Variants in DPP10 observed in about 807,000 individuals in gnomAD.
DPP10 encodes the protein inactive dipeptidyl peptidase 10.
A neutral mutation model predicts 120.9 loss-of-function variants in DPP10; 33 were observed. The observed-to-expected ratio is 0.27, with a 90% CI of 0.21 to 0.37. The LOEUF is 0.37. DPP10 is among the 10% of genes least tolerant of loss of function. The probability of loss-of-function intolerance (pLI) is 1.00; values close to 1 mark genes in which losing one functional copy is unlikely to be tolerated. For missense variants in DPP10, 816 were observed against 942.8 expected (o/e 0.87, Z 1.76); for synonymous variants, 337 against 326.1 (o/e 1.03, Z -0.36).
chr2:115,835,212 G>A (rs910176601), intron 21 of DPP10, among the ~76,000 whole-genome samples: 1 of 151,554 alleles, frequency 6.6e-6, no homozygotes, highest in African/African-American at 2.4e-5. Flanking sequence ...ATAGAAACAA[G>A]AAAAATGGGC....
At chr2:114,778,514 G>T (rs1035659648) in intron 1 of DPP10, among the ~76,000 whole-genome samples, 2 of 151,998 alleles carry the variant, frequency 1.3e-5, no homozygotes, top group Non-Finnish European at 2.9e-5. Context: ...TGGGTGGAAG[G>T]TTGTCTCTTT....
intron 17 of DPP10, among the ~76,000 whole-genome samples, chr2:115,788,882 C>T (rs760445699): frequency 5.3e-5 from 8 of 152,058 alleles, no homozygotes; most frequent in South Asian, 2.1e-4. Flanking sequence ...TTTGGGAGGC[C>T]GAGGCGGGTG....
intron 1 of DPP10, among the ~76,000 whole-genome samples, chr2:114,979,026 A>G (rs568809409): frequency 1.3e-5 from 2 of 152,206 alleles, no homozygotes; most frequent in South Asian, 4.1e-4. Context: ...TTTCCTAGAG[A>G]AGAAAAATTG....
At chr2:115,275,730 C>T (rs1441500612) in intron 1 of DPP10, among the ~76,000 whole-genome samples, 2 of 134,854 alleles carry the variant, frequency 1.5e-5, no homozygotes, top group Admixed American at 8.4e-5. Flanking sequence ...GACGGAGTCT[C>T]GCTCTGTCGC....
rs1701889243 is a variant in DPP10 at position 115,006,896 on chromosome 2, C to G, written c.61-302343C>G. On this transcript the variant is annotated intron_variant, in intron 1 of 25. Transcript: ENST00000410059. ...ATAGACATCTACAGAACTCTCCACC[C>G]CAAATCAACAGAATATACATTTTTT... is the stretch of plus-strand genomic sequence containing the variant. 2.0e-5 allele frequency among the ~76,000 whole-genome samples: 3 copies of G among 151,964 alleles called. No individual in the cohort carries two copies. The South Asian group carries it at 6.2e-4, about 32-fold the overall frequency.
chr2:115,209,402 TCA>T (rs1412539189), intron 1 of DPP10, among the ~76,000 whole-genome samples: 1 of 152,138 alleles, frequency 6.6e-6, no homozygotes, highest in East Asian at 1.9e-4. Context: ...ATATGTACAC[TCA>T]CAAACATATA....
At chr2:114,953,757 A>G (rs558803363) in intron 1 of DPP10, among the ~76,000 whole-genome samples, 23 of 152,272 alleles carry the variant, frequency 1.5e-4, no homozygotes, top group Admixed American at 3.9e-4. Flanking sequence ...TATTTTCTTA[A>G]TGGTACCGTA....
intron 7 of DPP10, among the ~76,000 whole-genome samples, chr2:115,698,161 C>T (rs1026041278): frequency 1.3e-5 from 2 of 152,082 alleles, no homozygotes; most frequent in Non-Finnish European, 2.9e-5. Context: ...AATTATCACA[C>T]AAAAGATCTT....
chr2:115,791,989 T>C (rs2149916892), intron 19 of DPP10, among the ~76,000 whole-genome samples: 1 of 152,302 alleles, frequency 6.6e-6, no homozygotes, highest in Non-Finnish European at 1.5e-5. Context: ...AGCATATTGA[T>C]ATAATAGTGC....
At chr2:114,662,476 CGG>C (rs1353407322) in intron 1 of DPP10, among the ~76,000 whole-genome samples, 1 of 152,082 alleles carries the variant, frequency 6.6e-6, no homozygotes, top group Non-Finnish European at 1.5e-5. Context: ...TGAGACTTCG[CGG>C]GACGCAGACA....
chr2:114,881,144 T>C (rs1691569235), intron 1 of DPP10, among the ~76,000 whole-genome samples: 1 of 152,146 alleles, frequency 6.6e-6, no homozygotes, highest in African/African-American at 2.4e-5. Context: ...ATGATTTATT[T>C]TGGCTTCCAA....
intron 2 of DPP10, among the ~76,000 whole-genome samples, chr2:115,315,870 T>C (rs889111031): frequency 8.5e-5 from 13 of 152,164 alleles, no homozygotes; most frequent in African/African-American, 3.1e-4. Context: ...CTTTTTTAAA[T>C]AGATTTATCT....
In DPP10 at chr2:115,093,846, T is replaced by C. The variant is rs567760437; in HGVS notation, c.61-215393T>C. Among the ~76,000 whole-genome samples the C allele has an allele frequency of 1.4e-4, 21 of 152,264 alleles. 1 individual carries two copies. In the South Asian group the frequency reaches 4.3e-3, roughly 31 times the overall value. On this transcript the variant is annotated intron_variant, in intron 1 of 25. Coordinates refer to ENST00000410059, the MANE Select transcript of DPP10 (RefSeq NM_020868.6). ...CATTCATGACAGTGTAATGATTCCA[T>C]CTTGTGTCTTTGTGTAGGCACATGT...
At chr2:115,349,019 A>T (rs905926934) in intron 3 of DPP10, among the ~76,000 whole-genome samples, 1 of 152,154 alleles carries the variant, frequency 6.6e-6, no homozygotes, top group Admixed American at 6.6e-5. Flanking sequence ...ACTATAAACG[A>T]TGAGGAATAA....
chr2:114,657,821 AT>A (rs1436695830), intron 1 of DPP10, among the ~76,000 whole-genome samples: 2 of 152,260 alleles, frequency 1.3e-5, no homozygotes, highest in East Asian at 3.9e-4. Flanking sequence ...TCATGCATTT[AT>A]TTGCCTGTAA....
At chr2:115,763,180 T>G (rs1006395652) in intron 12 of DPP10, among the ~76,000 whole-genome samples, 3 of 152,176 alleles carry the variant, frequency 2.0e-5, no homozygotes, top group Non-Finnish European at 4.4e-5. Context: ...TACTCTTAAC[T>G]ACATTAGTGA....
In DPP10 at chr2:115,399,342, A is replaced by C. The variant is rs745987757; in HGVS notation, c.271+55430A>C. On this transcript the variant is annotated intron_variant, in intron 3 of 25. Transcript: ENST00000410059. Reference sequence around the variant, plus strand: ...GTATGCAATTCAACAACACACAATAATAATAGTATAAACTATGATCAAAAC... The same window carrying C: ...GTATGCAATTCAACAACACACAATACTAATAGTATAAACTATGATCAAAAC... Among the ~76,000 whole-genome samples the C allele has an allele frequency of 2.6e-4, 39 of 152,186 alleles. 1 individual carries two copies. Among genetic ancestry groups the C allele is most frequent in the Admixed American group, 1.4e-3 (22 of 15,264 alleles).
At chr2:115,730,006 G>A (rs2092865021) in intron 8 of DPP10, among the ~76,000 whole-genome samples, 1 of 152,080 alleles carries the variant, frequency 6.6e-6, no homozygotes, top group Non-Finnish European at 1.5e-5. Flanking sequence ...AAGAAGCGAG[G>A]GATAGTGACC....
At chr2:114,514,900 A>T (rs1292873507) in intron 1 of DPP10, among the ~76,000 whole-genome samples, 1 of 151,954 alleles carries the variant, frequency 6.6e-6, no homozygotes, top group South Asian at 2.1e-4. Context: ...TTGCCAATAG[A>T]TATCATGGCT....
Sources: gnomAD v4.1 joint callset for allele counts (sites outside exome capture counted in the v4.1 genomes callset) on GRCh38, gnomAD v4.1.1 for gene constraint, MANE v1.5 for transcripts, NCBI Gene and HGNC (gene_info 2026-07-23, HGNC 2026-07-21) for gene names.